The following BAIAP2 variants were observed in gnomAD, a reference collection of about 807,000 sequenced individuals.
BAIAP2 encodes BAR/IMD domain-containing adapter protein 2.
A neutral mutation model predicts 63.0 loss-of-function variants in BAIAP2; 18 were observed. The observed-to-expected ratio is 0.29, with a 90% CI of 0.20 to 0.42. The LOEUF (loss-of-function observed/expected upper bound fraction) is 0.42, where lower values mean the gene tolerates loss of function less well. Ranked by LOEUF, BAIAP2 falls within the 10% of genes least tolerant of loss-of-function variation. The pLI is 1.00. For missense variants in BAIAP2, 610 were observed against 734.3 expected, an observed-to-expected ratio of 0.83 and a Z score of 1.96; for synonymous variants, 386 against 307.6, an observed-to-expected ratio of 1.25 and a Z score of -2.67.
chr17:81,073,342 C>A (rs1261036466), intron 3 of BAIAP2, among the ~76,000 whole-genome samples: 1 of 152,082 alleles, frequency 6.6e-6, no homozygotes, highest in South Asian at 2.1e-4. Flanking sequence ...AGTACCAGGC[C>A]GGGGTGGGGA....
At position 81,038,902 on chromosome 17, in the gene BAIAP2, G is replaced by T. The variant is rs901875249; in HGVS notation, c.54+3594G>T. ...GGCATTGGAGTCGCCTTCCTGGGTG[G>T]GGGGGGCAGCAGACCCGGCACCTGA... is the stretch of plus-strand genomic sequence containing the variant. On this transcript the variant is annotated intron_variant, in intron 1 of 13. Transcript: ENST00000428708. 1.2e-3 allele frequency among the ~76,000 whole-genome samples: 182 copies of T among 151,498 alleles called. 1 individual carries two copies. The highest frequency in any genetic ancestry group is 4.3e-3 in the African/African-American group (176 of 41,238).
At chr17:81,115,517 G>C (rs2060448971) in intron 13 of BAIAP2, among the ~76,000 whole-genome samples, 1 of 152,144 alleles carries the variant, frequency 6.6e-6, no homozygotes, top group Non-Finnish European at 1.5e-5. Context: ...CTGCTGGGAG[G>C]GTGATGGATC....
At chr17:81,103,452 A>G (rs1448113839) in intron 7 of BAIAP2, 50 bp from the exon 8 acceptor site, 1 of 1,503,992 alleles carries the variant, frequency 6.6e-7, no homozygotes, top group East Asian at 2.5e-5. Context: ...GCCTGGCTGC[A>G]GGAGACTGAG....
At chr17:81,086,161 G>A (rs563941034) in intron 5 of BAIAP2, among the ~76,000 whole-genome samples, 45 of 152,206 alleles carry the variant, frequency 3.0e-4, no homozygotes, top group African/African-American at 6.7e-4. Flanking sequence ...GTGGGCGGGA[G>A]GGGTGGGCCT....
At position 81,108,621 on chromosome 17, in the gene BAIAP2, C is replaced by T. The variant is rs1041305648; in HGVS notation, c.1535+112C>T. On this transcript the variant is annotated intron_variant, in intron 13 of 13. Transcript: ENST00000428708. Reference sequence around the variant, plus strand: ...CCACCTCTTTTCCTTTAGGGCCCAGCCTGGCCCTTCACCCCTGTCAGAGCC... The same window carrying T: ...CCACCTCTTTTCCTTTAGGGCCCAGTCTGGCCCTTCACCCCTGTCAGAGCC... 2.2e-5 allele frequency: 30 copies of T among 1,389,760 alleles called. No individual in the cohort carries two copies. The African/African-American group carries it at 4.0e-4, about 19-fold the overall frequency. 86.1% of individuals were successfully genotyped at this position (1,389,760 alleles called of 1,614,324 possible).
At chr17:81,083,840 G>T (rs536737756) in intron 3 of BAIAP2, 1 of 152,294 alleles carries the variant, frequency 6.6e-6, no homozygotes, top group African/African-American at 2.4e-5. Flanking sequence ...GAAGTGGGCC[G>T]TGCTCCTGTG....
At chr17:81,035,707 C>CGGGGCGGCG (rs564873589) in intron 1 of BAIAP2, among the ~76,000 whole-genome samples, 3,389 of 151,866 alleles carry the variant, frequency 0.022, 109 homozygotes, top group African/African-American at 0.072. Context: ...CGGGCAGGGC[C>CGGGGCGGCG]GGGGCGGCGG....
At position 81,116,896 on chromosome 17, in the gene BAIAP2, C is replaced by A. The variant is rs2060565485; in HGVS notation, c.*1057C>A. The A allele has an allele frequency of 6.4e-6, 1 of 155,154 alleles. No individual in the cohort carries two copies. The highest frequency in any genetic ancestry group is 2.4e-5 in the African/African-American group (1 of 41,498). The allele number at this position is 155,154 out of a possible 1,614,324, so 9.6% of individuals were successfully genotyped here. A position where few individuals can be genotyped will look rare whatever the true frequency, so the allele number is the denominator to read the frequency against. On this transcript the variant is annotated 3_prime_UTR_variant, in exon 14 of 14. Transcript: ENST00000428708. ...CTGTAGAGTTGGCGGGCCAGGAGGG[C>A]AGTTGAGAGCTGGCCAGCGGAGGGT...
chr17:81,068,249 C>T (rs2051873882), intron 3 of BAIAP2, among the ~76,000 whole-genome samples: 1 of 152,198 alleles, frequency 6.6e-6, no homozygotes, highest in Non-Finnish European at 1.5e-5. Context: ...CTGAGAAACT[C>T]TCTCCCAGGA....
At position 81,093,166 on chromosome 17, in the gene BAIAP2, C is replaced by T. The variant is rs574714874; in HGVS notation, c.489+6586C>T. On this transcript the variant is annotated intron_variant, in intron 6 of 13. Coordinates refer to ENST00000428708, the MANE Select transcript of BAIAP2 (RefSeq NM_001144888.2). The stretch of plus-strand genomic sequence containing the variant: ...GGACCTGAGTGTGAGGAGGGAGCCC[C>T]GGCCCGCTGGATGCAACTTGTCCTT... 4.0e-5 allele frequency among the ~76,000 whole-genome samples: 6 copies of T among 151,872 alleles called. 1 individual carries two copies. The highest frequency in any genetic ancestry group is 7.2e-5 in the African/African-American group (3 of 41,394).
At chr17:81,051,710 G>A (rs112531003) in intron 1 of BAIAP2, among the ~76,000 whole-genome samples, 4,666 of 152,080 alleles carry the variant, frequency 0.031, 103 homozygotes, top group South Asian at 0.091. Context: ...TTTTTTTAGA[G>A]ACAGGGTCTC....
chr17:81,109,997 C>T (rs899162374), intron 13 of BAIAP2: 15 of 985,368 alleles, frequency 1.5e-5, no homozygotes, highest in African/African-American at 8.7e-5. Context: ...ACGCTCTCGT[C>T]TTTTTGTGTG....
Position 81,092,502 on chromosome 17 carries a change from G to A in BAIAP2, c.489+5922G>A, listed in dbSNP as rs184035089. On this transcript the variant is annotated intron_variant, in intron 6 of 13. Coordinates refer to ENST00000428708, the MANE Select transcript of BAIAP2 (RefSeq NM_001144888.2). ...TGGATTTCTCTGTCTGCCTGCCAGGGTGCCCTTGAGCGGGGCTGGGCCCGG... is the reference window on the plus strand; with the variant it reads ...TGGATTTCTCTGTCTGCCTGCCAGGATGCCCTTGAGCGGGGCTGGGCCCGG... Among the ~76,000 whole-genome samples the A allele has an allele frequency of 1.9e-3, 295 of 152,314 alleles. 3 individuals are homozygous for A. The highest frequency in any genetic ancestry group is 5.3e-4 in the Non-Finnish European group (36 of 68,020).
chr17:81,047,707 C>T (rs1184458373), intron 1 of BAIAP2, among the ~76,000 whole-genome samples: 3 of 151,992 alleles, frequency 2.0e-5, no homozygotes, highest in Non-Finnish European at 2.9e-5. Flanking sequence ...CGCACGGGTC[C>T]ACATGCGTCC....
chr17:81,071,577 G>A (rs1191416444), intron 3 of BAIAP2, among the ~76,000 whole-genome samples: 2 of 152,250 alleles, frequency 1.3e-5, no homozygotes, highest in African/African-American at 2.4e-5. Flanking sequence ...AGTGCCTCCG[G>A]AAGCAACAGA....
chr17:81,049,092 C>T (rs912084913), intron 1 of BAIAP2, among the ~76,000 whole-genome samples: 4 of 152,234 alleles, frequency 2.6e-5, no homozygotes, highest in South Asian at 2.1e-4. Context: ...CCCGGGAACG[C>T]GGCCCAGGGA....
chr17:81,115,995 G>C lies in BAIAP2; in HGVS notation c.*156G>C, dbSNP rs1344789120. The C allele has an allele frequency of 3.4e-5, 51 of 1,479,422 alleles. No homozygotes were observed. The highest frequency in any genetic ancestry group is 4.6e-5 in the Non-Finnish European group (51 of 1,116,352). The allele number at this position is 1,479,422 out of a possible 1,614,324, so 91.6% of individuals were successfully genotyped here. A position where few individuals can be genotyped will look rare whatever the true frequency, so the allele number is the denominator to read the frequency against. Reference sequence around the variant, plus strand: ...GTCTGGCCTGGACTGGATCCCAGCTGTTCTAGGCAGGGCCGGGCAGAGTGG... The same window carrying C: ...GTCTGGCCTGGACTGGATCCCAGCTCTTCTAGGCAGGGCCGGGCAGAGTGG... On this transcript the variant is annotated 3_prime_UTR_variant, in exon 14 of 14. Coordinates refer to ENST00000428708, the MANE Select transcript of BAIAP2 (RefSeq NM_001144888.2).
chr17:81,037,037 G>C, intron 1 of BAIAP2: 1 of 1,302,356 alleles, frequency 7.7e-7, no homozygotes, highest in East Asian at 2.5e-5. Flanking sequence ...TAACCGGGCA[G>C]TAGGCCTTCA....
intron 13 of BAIAP2, among the ~76,000 whole-genome samples, chr17:81,110,733 C>T (rs372821426): frequency 3.5e-4 from 53 of 152,330 alleles, no homozygotes; most frequent in Admixed American, 2.4e-3. Flanking sequence ...CCTCCAGGCC[C>T]GCAAGTGAGG....
Sources: allele counts gnomAD v4.1 joint callset (sites outside exome capture counted in the v4.1 genomes callset), GRCh38; gene constraint gnomAD v4.1.1; transcripts MANE v1.5; gene names NCBI Gene and HGNC (gene_info 2026-07-23, HGNC 2026-07-21).